Variants in AKAP6 observed in about 807,000 individuals in gnomAD.
The protein encoded by AKAP6 is A-kinase anchoring protein 6.
A neutral mutation model predicts 188.5 loss-of-function variants in AKAP6; 58 were observed. That is an observed-to-expected ratio of 0.31 (90% CI 0.25 to 0.38). The LOEUF (loss-of-function observed/expected upper bound fraction) is 0.38, where lower values mean the gene tolerates loss of function less well. AKAP6 is among the 10% of genes least tolerant of loss of function. The probability of loss-of-function intolerance (pLI) is 1.00; values close to 1 mark genes in which losing one functional copy is unlikely to be tolerated. For missense variants in AKAP6, 2,710 were observed against 2,740.0 expected, an observed-to-expected ratio of 0.99 and a Z score of 0.24; for synonymous variants, 989 against 998.6, an observed-to-expected ratio of 0.99 and a Z score of 0.18.
rs1383925576 is a variant in AKAP6, at chr14:32,823,161, A to G, written c.5348A>G (p.Asp1783Gly). 1.9e-6 allele frequency: 3 copies of G among 1,613,822 alleles called. No homozygotes were observed. In the South Asian group the frequency reaches 3.3e-5, roughly 18 times the overall value. ...GACGACTCCAGTATTGCAACAGATG[A>G]TGAAATTTATGAAGACTGCACCTTG... ...EDDDSSIATD[D>G]EIYEDCTLMS... The change falls in exon 13 of 14, where the codon GAT becomes GGT. Residue 1783 changes from aspartate to glycine, a missense_variant. Asp to Gly is a moderately conservative substitution (Grantham distance 94, BLOSUM62 -1). This residue lies in a region of AKAP6 where 2,473 missense variants were observed against 2,426.1 expected (regional missense o/e 1.02). Transcript: ENST00000280979.
rs771341695 is a variant in AKAP6, at chr14:32,527,957, G to A, written c.325-7597G>A. Among the ~76,000 whole-genome samples, 126 of 152,062 alleles carry A rather than the reference G, an allele frequency of 8.3e-4. 1 individual carries two copies. The highest frequency in any genetic ancestry group is 8.7e-4 in the Non-Finnish European group (59 of 68,002). On this transcript the variant is annotated intron_variant, in intron 2 of 13. Transcript: ENST00000280979. ...AACATAAATATTTAATTTTAATGAA[G>A]TCAGCTTATTAATTCTTTCATAGAT...
chr14:32,576,196 G>A (rs1458732236), intron 4 of AKAP6, among the ~76,000 whole-genome samples: 1 of 152,088 alleles, frequency 6.6e-6, no homozygotes, highest in Non-Finnish European at 1.5e-5. Context: ...CACATCTGAA[G>A]AATGGGTTAA....
rs1889533803 is a variant in AKAP6 at position 32,678,513 on chromosome 14, A to G, written c.2879+54A>G. 5 of 1,598,838 alleles carry G rather than the reference A, an allele frequency of 3.1e-6. No homozygotes were observed. In the Admixed American group the frequency reaches 8.4e-5, roughly 27 times the overall value. On this transcript the variant is annotated intron_variant, in intron 8 of 13. Coordinates refer to ENST00000280979, the MANE Select transcript of AKAP6 (RefSeq NM_004274.5). ...TTCTCACTAATCTATTTTTTCAATG[A>G]TTTTCCACTGGTAGGTGTTAGGAAG...
At chr14:32,752,524 A>T (rs753286566) in intron 11 of AKAP6, among the ~76,000 whole-genome samples, 16 of 152,194 alleles carry the variant, frequency 1.1e-4, no homozygotes, top group Admixed American at 9.8e-4. Flanking sequence ...AGAATTGAAC[A>T]TATTTACAGT....
At chr14:32,663,437 C>T (rs922633899) in intron 7 of AKAP6, among the ~76,000 whole-genome samples, 2 of 152,016 alleles carry the variant, frequency 1.3e-5, no homozygotes, top group South Asian at 2.1e-4. Flanking sequence ...TCATATCATA[C>T]TCTTGGGGAG....
intron 9 of AKAP6, among the ~76,000 whole-genome samples, chr14:32,732,199 C>G (rs1393319724): frequency 6.6e-6 from 1 of 151,694 alleles, no homozygotes; most frequent in Non-Finnish European, 1.5e-5. Flanking sequence ...TTTTAAAGAT[C>G]AAATATGTGT....
intron 2 of AKAP6, among the ~76,000 whole-genome samples, chr14:32,527,552 A>G (rs1031327978): frequency 1.3e-5 from 2 of 152,230 alleles, no homozygotes; most frequent in African/African-American, 2.4e-5. Context: ...CATTCCCACT[A>G]CAATGAATGA....
At position 32,735,645 on chromosome 14, in the gene AKAP6, T is replaced by C; in HGVS notation, c.3148-13T>C. 2 of 1,527,064 alleles carry C rather than the reference T, an allele frequency of 1.3e-6. No homozygotes were observed. The highest frequency in any genetic ancestry group is 1.8e-6 in the Non-Finnish European group (2 of 1,134,292). 94.6% of individuals were successfully genotyped at this position (1,527,064 alleles called of 1,614,324 possible). Reference sequence around the variant, plus strand: ...GTTTGTTTTATTTTTTGTTTTTTAATCTGATGCATTAGAAAACCCTAGGAG... The same window carrying C: ...GTTTGTTTTATTTTTTGTTTTTTAACCTGATGCATTAGAAAACCCTAGGAG... On this transcript the variant is annotated splice_polypyrimidine_tract_variant and intron_variant, in intron 10 of 13. Transcript: ENST00000280979.
chr14:32,590,709 C>T (rs1022649882), intron 5 of AKAP6, among the ~76,000 whole-genome samples: 15 of 152,084 alleles, frequency 9.9e-5, no homozygotes, highest in African/African-American at 3.6e-4. Context: ...GGAATATTTT[C>T]TTCTGTTTTC....
intron 1 of AKAP6, among the ~76,000 whole-genome samples, chr14:32,402,741 T>C (rs186825052): frequency 4.1e-4 from 63 of 152,236 alleles, no homozygotes; most frequent in Middle Eastern, 3.4e-3. Context: ...TTTTTTTTTT[T>C]TTCTTTGAGA....
intron 2 of AKAP6, among the ~76,000 whole-genome samples, chr14:32,435,396 A>G (rs975006866): frequency 1.3e-5 from 2 of 152,236 alleles, no homozygotes; most frequent in Non-Finnish European, 2.9e-5. Context: ...GAATTACATT[A>G]ACAACTTGGA....
chr14:32,728,437 T>A (rs73266957), intron 9 of AKAP6, among the ~76,000 whole-genome samples: 19,978 of 151,656 alleles, frequency 0.13, 1,419 homozygotes, highest in Middle Eastern at 0.19. Context: ...GGAAAGGGGA[T>A]CTTGCTGGAT....
intron 11 of AKAP6, among the ~76,000 whole-genome samples, chr14:32,770,257 C>T (rs888047935): frequency 6.6e-6 from 1 of 151,102 alleles, no homozygotes; most frequent in Non-Finnish European, 1.5e-5. Flanking sequence ...GGAAAAAAGA[C>T]AGATAATGAC....
intron 2 of AKAP6, among the ~76,000 whole-genome samples, chr14:32,453,659 C>G (rs1409369623): frequency 2.3e-5 from 3 of 131,248 alleles, no homozygotes; most frequent in Non-Finnish European, 4.6e-5. Flanking sequence ...TGCAGTGGCG[C>G]GATCTCCGCT....
intron 4 of AKAP6, among the ~76,000 whole-genome samples, chr14:32,554,352 A>C (rs1295293523): frequency 6.6e-6 from 1 of 152,240 alleles, no homozygotes; most frequent in Non-Finnish European, 1.5e-5. Context: ...ATTTCTGATC[A>C]GCATCTACTG....
At chr14:32,631,007 AT>A (rs1412396841) in intron 7 of AKAP6, among the ~76,000 whole-genome samples, 8 of 151,982 alleles carry the variant, frequency 5.3e-5, no homozygotes, top group Non-Finnish European at 1.0e-4. Flanking sequence ...GTTTTGTTGA[AT>A]TTTTAAAAAT....
intron 1 of AKAP6, among the ~76,000 whole-genome samples, chr14:32,429,508 A>G (rs146107746): frequency 2.0e-5 from 3 of 152,336 alleles, no homozygotes; most frequent in African/African-American, 4.8e-5. Flanking sequence ...ATGACCATCC[A>G]TATATGCTAC....
chr14:32,746,161 C>T (rs1023954577), intron 11 of AKAP6, among the ~76,000 whole-genome samples: 3 of 152,096 alleles, frequency 2.0e-5, no homozygotes, highest in Admixed American at 6.6e-5. Context: ...TACTCTACCC[C>T]TCTGTAGCCA....
chr14:32,835,371 GT>G lies in AKAP6; in HGVS notation c.*5569del, dbSNP rs1486316292. The G allele has an allele frequency of 6.6e-6, 1 of 151,850 alleles. No individual in the cohort carries two copies. The highest frequency in any genetic ancestry group is 6.6e-5 in the Admixed American group (1 of 15,244). The allele number at this position is 151,850 out of a possible 1,614,324, so 9.4% of individuals were successfully genotyped here. A position where few individuals can be genotyped will look rare whatever the true frequency, so the allele number is the denominator to read the frequency against. ...AAAGATTGTTTCACATCCACAGTTT[GT>G]TTAAGGATTTAAATTTAGTTCACTA... is the stretch of plus-strand genomic sequence containing the variant. On this transcript the variant is annotated 3_prime_UTR_variant, in exon 14 of 14. Coordinates refer to ENST00000280979, the MANE Select transcript of AKAP6 (RefSeq NM_004274.5).
Sources: allele counts gnomAD v4.1 joint callset (sites outside exome capture counted in the v4.1 genomes callset), GRCh38; gene constraint gnomAD v4.1.1; regional missense constraint gnomAD v4.1.1; transcripts MANE v1.5; gene names NCBI Gene and HGNC (gene_info 2026-07-23, HGNC 2026-07-21).